Variants in MGST1 observed in about 807,000 individuals in gnomAD.
The protein encoded by MGST1 is microsomal glutathione S-transferase 1.
A neutral mutation model predicts 8.9 loss-of-function variants in MGST1; 5 were observed. The ratio of observed to expected loss-of-function variants is 0.56; its 90% confidence interval spans 0.29 to 1.19. MGST1 has a LOEUF of 1.19. MGST1 is among the 50% of genes most tolerant of loss of function. The pLI, the probability that MGST1 is intolerant of heterozygous loss-of-function variation, is 0.08. For missense variants in MGST1, 182 were observed against 187.4 expected, an observed-to-expected ratio of 0.97 and a Z score of 0.17; for synonymous variants, 54 against 67.8, an observed-to-expected ratio of 0.80 and a Z score of 1.00.
rs1306761458 is a variant in MGST1 at position 16,546,018 on chromosome 12, C to T, written n.483-43510C>T. On this transcript the variant is annotated intron_variant and non_coding_transcript_variant, in intron 4 of 4. Coordinates refer to the MGST1 transcript ENST00000538857. This position sits in a 1 kb window ranked among gnomAD's most constrained non-coding sequence, Gnocchi z 4.7. ...TACTTTCTGACTCTATGACCTTGGG[C>T]GAATTAAGTAACCTGGCTGTGCTTT... Among the ~76,000 whole-genome samples the T allele has an allele frequency of 3.3e-5, 5 of 152,102 alleles. No homozygotes were observed. The highest frequency in any genetic ancestry group is 2.1e-4 in the South Asian group (1 of 4,814).
At chr12:16,351,042 G>A (rs1939439285) in intron 1 of MGST1, among the ~76,000 whole-genome samples, 1 of 151,754 alleles carries the variant, frequency 6.6e-6, no homozygotes, top group South Asian at 2.1e-4. Flanking sequence ...CAATGAGGGG[G>A]AAAAAAAAGT....
chr12:16,392,244 A>G (rs1200915615), intron 1 of MGST1, among the ~76,000 whole-genome samples: 1 of 152,034 alleles, frequency 6.6e-6, no homozygotes, highest in Non-Finnish European at 1.5e-5. Context: ...TTTTTTGCGT[A>G]TTTGCATTGC....
chr12:16,488,635 A>C (rs1441518824), intron 4 of MGST1, among the ~76,000 whole-genome samples: 1 of 152,072 alleles, frequency 6.6e-6, no homozygotes, highest in African/African-American at 2.4e-5. Flanking sequence ...TTTATTTTGA[A>C]ATTACAAGTG....
chr12:16,573,791 C>G (rs1565494109), intron 4 of MGST1: 1 of 152,122 alleles, frequency 6.6e-6, no homozygotes, highest in Non-Finnish European at 1.5e-5. Context: ...AGAAGTTGAT[C>G]GGGGGTAGAG....
intron 4 of MGST1, among the ~76,000 whole-genome samples, chr12:16,465,025 C>T (rs1941244085): frequency 6.6e-6 from 1 of 152,156 alleles, no homozygotes; most frequent in African/African-American, 2.4e-5. Context: ...TACTCCTGTA[C>T]CAACACTGCC....
Position 16,483,776 on chromosome 12 carries a change from C to T in MGST1, n.482+100172C>T, listed in dbSNP as rs1941380421. 3.3e-5 allele frequency among the ~76,000 whole-genome samples: 5 copies of T among 152,196 alleles called. No homozygotes were observed. The South Asian group carries it at 1.0e-3, about 32-fold the overall frequency. Reference sequence around the variant, plus strand: ...ATTATCATAATGGGAGATTTTAATACACTTCTTTCATAAAAATTAGTAAGA... The same window carrying T: ...ATTATCATAATGGGAGATTTTAATATACTTCTTTCATAAAAATTAGTAAGA... On this transcript the variant is annotated intron_variant and non_coding_transcript_variant, in intron 4 of 4. Coordinates refer to the MGST1 transcript ENST00000538857.
At chr12:16,375,490 T>A (rs896469911) in intron 3 of MGST1, among the ~76,000 whole-genome samples, 7 of 152,090 alleles carry the variant, frequency 4.6e-5, no homozygotes, top group Non-Finnish European at 8.8e-5. Flanking sequence ...AACAATTTGA[T>A]TAAACATAAA....
At chr12:16,464,024 G>A (rs550718944) in intron 4 of MGST1, among the ~76,000 whole-genome samples, 5 of 152,254 alleles carry the variant, frequency 3.3e-5, no homozygotes, top group South Asian at 4.1e-4. Context: ...GGCTGGGTTC[G>A]AATGGCAGTT....
chr12:16,372,367 A>C (rs1468883734), intron 3 of MGST1, among the ~76,000 whole-genome samples: 1 of 152,152 alleles, frequency 6.6e-6, no homozygotes, highest in Non-Finnish European at 1.5e-5. Context: ...AAATGGGTAA[A>C]AGATCTGAAT....
intron 4 of MGST1, among the ~76,000 whole-genome samples, chr12:16,485,444 T>C (rs980207552): frequency 6.6e-6 from 1 of 152,200 alleles, no homozygotes; most frequent in South Asian, 2.1e-4. Flanking sequence ...TAATAATTAA[T>C]AAAAATATGA....
intron 1 of MGST1, among the ~76,000 whole-genome samples, chr12:16,385,625 G>C (rs1461836081): frequency 6.6e-6 from 1 of 151,560 alleles, no homozygotes; most frequent in African/African-American, 2.4e-5. Context: ...TGATGCAACT[G>C]TATCTCTTTT....
chr12:16,390,867 C>T (rs1351537741), intron 1 of MGST1, among the ~76,000 whole-genome samples: 1 of 152,002 alleles, frequency 6.6e-6, no homozygotes, highest in African/African-American at 2.4e-5. Context: ...GTTTTTAGCT[C>T]TTTGAGGAAG....
At chr12:16,474,823 G>T (rs529003692) in intron 4 of MGST1, among the ~76,000 whole-genome samples, 4 of 152,298 alleles carry the variant, frequency 2.6e-5, no homozygotes, top group African/African-American at 9.6e-5. Context: ...GGTGTTAAAG[G>T]TGTACTAAGT....
downstream of MGST1, among the ~76,000 whole-genome samples, chr12:16,381,333 T>G (rs1042422617): frequency 7.2e-5 from 11 of 152,238 alleles, no homozygotes; most frequent in African/African-American, 2.7e-4. Context: ...AGGGCAGGCC[T>G]GGTGGTGACA....
At chr12:16,368,038 G>A (rs930463311), downstream of MGST1, among the ~76,000 whole-genome samples, 1 of 151,408 alleles carries the variant, frequency 6.6e-6, no homozygotes, top group African/African-American at 2.4e-5. Context: ...TCTATGCTGA[G>A]TTTAGCTAGG....
chr12:16,405,584 A>G (rs1345352368), intron 1 of MGST1, among the ~76,000 whole-genome samples: 1 of 152,196 alleles, frequency 6.6e-6, no homozygotes, highest in Admixed American at 6.5e-5. Flanking sequence ...CATCATCTTG[A>G]TACCAAAACC....
intron 1 of MGST1, among the ~76,000 whole-genome samples, chr12:16,403,234 CT>C (rs1028862927): frequency 2.6e-5 from 4 of 152,002 alleles, no homozygotes; most frequent in Admixed American, 6.5e-5. Context: ...TTTTATTCAA[CT>C]TTTTTTGACC....
chr12:16,450,839 C>CGTGTGTGTGT (rs66984063), intron 4 of MGST1, among the ~76,000 whole-genome samples: 1 of 147,882 alleles, frequency 6.8e-6, no homozygotes, highest in Non-Finnish European at 1.5e-5. Context: ...ATATATATTC[C>CGTGTGTGTGT]GTGTGTGTGT....
At chr12:16,399,854 A>G (rs1038318397) in intron 1 of MGST1, 1 of 1,230,182 alleles carries the variant, frequency 8.1e-7, no homozygotes, top group Non-Finnish European at 1.2e-6. Flanking sequence ...CTTGTAGACA[A>G]TTACCATATC....
Sources: gnomAD v4.1 joint callset for allele counts (sites outside exome capture counted in the v4.1 genomes callset) on GRCh38, gnomAD v4.1.1 for gene constraint, Gnocchi (gnomAD v3.1) non-coding constraint, MANE v1.5 for transcripts, NCBI Gene and HGNC (gene_info 2026-07-23, HGNC 2026-07-21) for gene names.